Variants in SRP19 observed in about 807,000 individuals in gnomAD.
The protein encoded by SRP19 is signal recognition particle 19 kDa protein.
In SRP19, 11 loss-of-function variants were observed where a neutral mutation model predicts 22.4. The ratio of observed to expected loss-of-function variants is 0.49; its 90% CI spans 0.31 to 0.81. The LOEUF is 0.81. Ranked by LOEUF, SRP19 falls within the 40% of genes least tolerant of loss-of-function variation. The probability of loss-of-function intolerance (pLI) is 0.05; values close to 1 mark genes in which losing one functional copy is unlikely to be tolerated. For synonymous variants in SRP19, 61 were observed against 57.6 expected, an observed-to-expected ratio of 1.06 and a Z score of -0.27; for missense variants, 168 against 175.9, an observed-to-expected ratio of 0.96 and a Z score of 0.25.
chr5:112,892,585 AT>A, exon 5 of SRP19: 1 of 1,614,200 alleles, frequency 6.2e-7, no homozygotes, highest in Non-Finnish European at 8.5e-7. Context: ...GAAAATGGCG[AT>A]TTGTGGTTTA....
intron 4 of SRP19, chr5:112,878,452 G>A (rs1767963085): frequency 3.8e-6 from 1 of 264,984 alleles, no homozygotes; most frequent in East Asian, 7.4e-5. Flanking sequence ...AATGCGTGCA[G>A]GGAGAGCCCA....
intron 4 of SRP19, chr5:112,877,445 C>A (rs540059521): frequency 6.6e-6 from 1 of 152,286 alleles, no homozygotes; most frequent in African/African-American, 2.4e-5. Flanking sequence ...AAATTGCTCT[C>A]TATAACGATT....
At chr5:112,892,851 G>C in exon 5 of SRP19, 1 of 1,613,600 alleles carries the variant, frequency 6.2e-7, no homozygotes. Context: ...AGAGAAAAAA[G>C]AGTAGTCATA....
chr5:112,884,203 C>A (rs1447733790), intron 4 of SRP19, among the ~76,000 whole-genome samples: 1 of 152,126 alleles, frequency 6.6e-6, no homozygotes, highest in Non-Finnish European at 1.5e-5. Context: ...AGAAGCCAAA[C>A]CTTTACAATG....
intron 4 of SRP19, among the ~76,000 whole-genome samples, chr5:112,875,611 G>A (rs1244360186): frequency 2.0e-5 from 3 of 151,926 alleles, no homozygotes; most frequent in Non-Finnish European, 4.4e-5. Flanking sequence ...CAAGCAATCC[G>A]CCCACCTCGG....
chr5:112,880,146 C>T (rs564858619), intron 4 of SRP19, among the ~76,000 whole-genome samples: 1 of 152,178 alleles, frequency 6.6e-6, no homozygotes, highest in African/African-American at 2.4e-5. Flanking sequence ...TGTGGTGGCT[C>T]ATGTCTATAA....
chr5:112,867,586 G>C lies in SRP19; in HGVS notation c.*49G>C, dbSNP rs1284391833. The C allele has an allele frequency of 6.6e-7, 1 of 1,514,406 alleles. No homozygotes were observed. Among genetic ancestry groups the C allele is most frequent in the Admixed American group, 2.2e-5 (1 of 44,450 alleles). The allele number at this position is 1,514,406 out of a possible 1,614,324, so 93.8% of individuals were successfully genotyped here. A position where few individuals can be genotyped will look rare whatever the true frequency, so the allele number is the denominator to read the frequency against. ...GGTACTACTGTAAGAGACATGAATGGAGACTTCTAATTTGTATCGGAGGGA... is the reference window on the plus strand; with the variant it reads ...GGTACTACTGTAAGAGACATGAATGCAGACTTCTAATTTGTATCGGAGGGA... On this transcript the variant is annotated 3_prime_UTR_variant, in exon 5 of 5. Coordinates refer to ENST00000505459, the MANE Select transcript of SRP19 (RefSeq NM_003135.3).
chr5:112,872,068 A>G (rs1424453621), downstream of SRP19, among the ~76,000 whole-genome samples: 1 of 152,120 alleles, frequency 6.6e-6, no homozygotes, highest in Non-Finnish European at 1.5e-5. Context: ...GAAGAAGAGG[A>G]TTTAGTTTTT....
chr5:112,864,084 T>C (rs892908523), intron 2 of SRP19, among the ~76,000 whole-genome samples: 1 of 152,268 alleles, frequency 6.6e-6, no homozygotes, highest in Non-Finnish European at 1.5e-5. Context: ...AGAATGCATA[T>C]ATTCAGCTTT....
intron 4 of SRP19, among the ~76,000 whole-genome samples, chr5:112,886,493 C>T (rs916582267): frequency 6.6e-6 from 1 of 152,130 alleles, no homozygotes; most frequent in Non-Finnish European, 1.5e-5. Context: ...CTTTAGTTTT[C>T]TTCTGCAAGT....
At chr5:112,890,948 T>C (rs1768423216) in intron 4 of SRP19, among the ~76,000 whole-genome samples, 1 of 150,878 alleles carries the variant, frequency 6.6e-6, no homozygotes, top group African/African-American at 2.5e-5. Flanking sequence ...TAGCAAGGAC[T>C]TTCTCTGACC....
rs1357279551 is a variant in SRP19, at chr5:112,869,298, G to A, written c.*1761G>A. 1 of 152,162 alleles carries A rather than the reference G, an allele frequency of 6.6e-6. No individual in the cohort carries two copies. 9.4% of individuals were successfully genotyped at this position (152,162 alleles called of 1,614,324 possible). A position where few individuals can be genotyped will look rare whatever the true frequency, so the allele number is the denominator to read the frequency against. On this transcript the variant is annotated 3_prime_UTR_variant, in exon 5 of 5. Transcript: ENST00000505459. ...CATGAGTGCAAGGCAGGAAGAAAAG[G>A]TAGCTGTGCCAGCCACTTCTGGCAA...
chr5:112,896,061 C>T (rs1246611582), downstream of SRP19: 1 of 152,632 alleles, frequency 6.6e-6, no homozygotes, highest in Non-Finnish European at 1.5e-5. Flanking sequence ...TAGGGGTATG[C>T]TTAACATGCA....
At position 112,878,414 on chromosome 5, in the gene SRP19, A is replaced by G. The variant is rs891094321; in HGVS notation, c.302-13189A>G. On this transcript the variant is annotated intron_variant, in intron 4 of 4. Transcript: ENST00000391338. ...TACATTACAGGAAGTAGAACCATAAAGATTATCCTAAATGTAACTACAGAG... is the reference window on the plus strand; with the variant it reads ...TACATTACAGGAAGTAGAACCATAAGGATTATCCTAAATGTAACTACAGAG... 3 of 202,024 alleles carry G rather than the reference A, an allele frequency of 1.5e-5. No individual in the cohort carries two copies. In the South Asian group the frequency reaches 4.3e-4, roughly 29 times the overall value. 12.5% of individuals were successfully genotyped at this position (202,024 alleles called of 1,614,324 possible).
At chr5:112,886,436 T>C (rs1248738441) in intron 4 of SRP19, among the ~76,000 whole-genome samples, 1 of 152,188 alleles carries the variant, frequency 6.6e-6, no homozygotes, top group Non-Finnish European at 1.5e-5. Flanking sequence ...CTTTATCATT[T>C]CTCCTCCCGC....
At chr5:112,883,907 GC>G (rs1292869015) in intron 4 of SRP19, among the ~76,000 whole-genome samples, 1 of 151,946 alleles carries the variant, frequency 6.6e-6, no homozygotes, top group African/African-American at 2.4e-5. Context: ...TCTGACCCAT[GC>G]CCAATCCATA....
intron 4 of SRP19, among the ~76,000 whole-genome samples, chr5:112,888,904 AGG>A (rs1768345739): frequency 6.6e-6 from 1 of 150,812 alleles, no homozygotes. Context: ...TGGAAAGGAC[AGG>A]GTGAGAGATA....
intron 4 of SRP19, among the ~76,000 whole-genome samples, chr5:112,880,441 AG>A (rs1429907816): frequency 1.3e-5 from 2 of 151,750 alleles, no homozygotes; most frequent in African/African-American, 4.9e-5. Context: ...ATGGAGCCAG[AG>A]CCTTAGTGAT....
At chr5:112,874,726 T>A (rs971051403), downstream of SRP19, among the ~76,000 whole-genome samples, 2 of 151,866 alleles carry the variant, frequency 1.3e-5, no homozygotes, top group African/African-American at 4.8e-5. Flanking sequence ...TAATCTTTTT[T>A]AACAACACTC....
Sources: gnomAD v4.1 joint callset for allele counts (sites outside exome capture counted in the v4.1 genomes callset) on GRCh38, gnomAD v4.1.1 for gene constraint, MANE v1.5 for transcripts, NCBI Gene and HGNC (gene_info 2026-07-23, HGNC 2026-07-21) for gene names.